LRRC4C: variants seen among roughly 807,000 people sequenced by gnomAD.
LRRC4C encodes leucine rich repeat containing 4C, also known as leucine-rich repeat-containing protein 4C.
LRRC4C carries 5 observed loss-of-function variants against 33.6 expected under a neutral mutation model. The ratio of observed to expected loss-of-function variants is 0.15; its 90% CI spans 0.08 to 0.31. The LOEUF (loss-of-function observed/expected upper bound fraction) is 0.31, where lower values mean the gene tolerates loss of function less well. LRRC4C is among the 10% of genes least tolerant of loss of function. The pLI, the probability that LRRC4C is intolerant of heterozygous loss-of-function variation, is 1.00. For synonymous variants in LRRC4C, 329 were observed against 302.0 expected, an observed-to-expected ratio of 1.09 and a Z score of -0.93; for missense variants, 560 against 796.7, an observed-to-expected ratio of 0.70 and a Z score of 3.58.
At chr11:40,945,449 G>A (rs1396357178) in intron 1 of LRRC4C, among the ~76,000 whole-genome samples, 1 of 152,114 alleles carries the variant, frequency 6.6e-6, no homozygotes, top group Non-Finnish European at 1.5e-5. Context: ...ATTAAAGCAT[G>A]ATAACATTTA....
chr11:41,051,201 A>G (rs1392419026), intron 1 of LRRC4C, among the ~76,000 whole-genome samples: 2 of 152,156 alleles, frequency 1.3e-5, no homozygotes, highest in Non-Finnish European at 2.9e-5. Context: ...TCACATAAAG[A>G]TCTCTTTAAA....
chr11:41,235,641 G>GT (rs1299336197), intron 1 of LRRC4C, among the ~76,000 whole-genome samples: 1 of 152,092 alleles, frequency 6.6e-6, no homozygotes, highest in Non-Finnish European at 1.5e-5. Flanking sequence ...TAGTTACACA[G>GT]TTTTTTAAAA....
intron 2 of LRRC4C, among the ~76,000 whole-genome samples, chr11:40,666,345 G>A (rs1026634092): frequency 2.0e-5 from 3 of 152,070 alleles, no homozygotes; most frequent in Admixed American, 6.6e-5. Flanking sequence ...GGGTATAAAC[G>A]TACTTCTGGA....
At position 40,830,512 on chromosome 11, in the gene LRRC4C, C is replaced by T. The variant is rs567481052; in HGVS notation, c.-407+103123G>A. On this transcript the variant is annotated intron_variant, in intron 2 of 6. Transcript: ENST00000528697. ...TTAGAGTTCATTTTGAGTGGTAGCC[C>T]TCCATTTCTGTAGAAATTATATACT... 2.6e-5 allele frequency among the ~76,000 whole-genome samples: 4 copies of T among 152,100 alleles called. No homozygotes were observed. The South Asian group carries it at 8.3e-4, about 32-fold the overall frequency.
intron 3 of LRRC4C, among the ~76,000 whole-genome samples, chr11:40,400,009 A>C (rs1949700355): frequency 6.6e-6 from 1 of 152,162 alleles, no homozygotes; most frequent in African/African-American, 2.4e-5. Context: ...AAACTGCTTC[A>C]AATTTATTTC....
At chr11:40,732,925 T>C (rs1947665361) in intron 2 of LRRC4C, among the ~76,000 whole-genome samples, 1 of 152,072 alleles carries the variant, frequency 6.6e-6, no homozygotes, top group South Asian at 2.1e-4. Context: ...CTTTACTATA[T>C]GCTAAATACT....
intron 1 of LRRC4C, among the ~76,000 whole-genome samples, chr11:41,062,678 T>C (rs1351072866): frequency 1.3e-5 from 2 of 152,194 alleles, no homozygotes; most frequent in African/African-American, 2.4e-5. Flanking sequence ...CAAATATTCA[T>C]ACCTACCTAG....
chr11:40,451,559 T>C (rs970025128), intron 3 of LRRC4C, among the ~76,000 whole-genome samples: 2 of 151,694 alleles, frequency 1.3e-5, no homozygotes, highest in Non-Finnish European at 2.9e-5. Context: ...CAAATTTTTG[T>C]ATTTTTAGTA....
Position 40,768,729 on chromosome 11 carries a change from G to GA in LRRC4C, c.-406-120452dup, listed in dbSNP as rs530028790. ...GATACATTGTATTAACAGAAAGAAG[G>GA]AAAAAAACATATGATCATTTCAACT... On this transcript the variant is annotated intron_variant, in intron 2 of 6. Coordinates refer to ENST00000528697, the MANE Select transcript of LRRC4C (RefSeq NM_001258419.2). 2.6e-4 allele frequency among the ~76,000 whole-genome samples: 40 copies of GA among 151,912 alleles called. No individual in the cohort carries two copies. In the East Asian group the frequency reaches 7.2e-3, roughly 27 times the overall value.
At chr11:40,866,074 G>A (rs1954351827) in intron 2 of LRRC4C, among the ~76,000 whole-genome samples, 1 of 150,784 alleles carries the variant, frequency 6.6e-6, no homozygotes, top group Non-Finnish European at 1.5e-5. Flanking sequence ...TTGCCAATTG[G>A]GTCAGAAGTA....
intron 2 of LRRC4C, among the ~76,000 whole-genome samples, chr11:40,795,136 A>G (rs1263793541): frequency 6.6e-6 from 1 of 152,198 alleles, no homozygotes. Flanking sequence ...CATACTCTAA[A>G]ACAAGTAAAA....
At chr11:40,283,693 CTTTTTTTT>C (rs5791366) in intron 4 of LRRC4C, among the ~76,000 whole-genome samples, 1 of 59,262 alleles carries the variant, frequency 1.7e-5, no homozygotes, top group East Asian at 6.9e-4. Context: ...GGTCCATATT[CTTTTTTTT>C]TTTTTTTTTT....
chr11:40,812,722 T>C (rs1951543540), intron 2 of LRRC4C, among the ~76,000 whole-genome samples: 3 of 152,182 alleles, frequency 2.0e-5, no homozygotes, highest in South Asian at 4.1e-4. Context: ...TTAATTTTCA[T>C]TTATCCTAAA....
intron 3 of LRRC4C, among the ~76,000 whole-genome samples, chr11:40,645,951 T>C (rs1942424981): frequency 6.6e-6 from 1 of 152,136 alleles, no homozygotes; most frequent in Admixed American, 6.5e-5. Flanking sequence ...TTCTAAATTC[T>C]AATAATCTCT....
chr11:40,392,940 G>A (rs1949393982), intron 3 of LRRC4C, among the ~76,000 whole-genome samples: 1 of 151,916 alleles, frequency 6.6e-6, no homozygotes, highest in African/African-American at 2.4e-5. Flanking sequence ...TTGTCTTGGA[G>A]GATCCAGCCA....
intron 1 of LRRC4C, among the ~76,000 whole-genome samples, chr11:41,031,217 C>T (rs909675540): frequency 2.0e-5 from 3 of 151,964 alleles, no homozygotes; most frequent in East Asian, 3.9e-4. Flanking sequence ...TGAGCAATGG[C>T]CCACAGTTAC....
At chr11:40,916,629 A>T (rs548309655) in intron 2 of LRRC4C, among the ~76,000 whole-genome samples, 1 of 152,210 alleles carries the variant, frequency 6.6e-6, no homozygotes, top group Non-Finnish European at 1.5e-5. Flanking sequence ...GCACACCAAC[A>T]TGGCACATGT....
At chr11:40,582,355 T>C (rs1958505358) in intron 3 of LRRC4C, among the ~76,000 whole-genome samples, 1 of 152,180 alleles carries the variant, frequency 6.6e-6, no homozygotes, top group Non-Finnish European at 1.5e-5. Context: ...TTTTTTTCTA[T>C]ACTTAGAAGT....
rs562760429 is a variant in LRRC4C, at chr11:41,355,248, A to C, written c.-496+104183T>G. On this transcript the variant is annotated intron_variant, in intron 1 of 6. Transcript: ENST00000528697. Reference sequence around the variant, plus strand: ...CAGCATCCCTAATCATGAGAAAAAAATAACTATCAACTTGGGAACAAAAAG... The same window carrying C: ...CAGCATCCCTAATCATGAGAAAAAACTAACTATCAACTTGGGAACAAAAAG... Among the ~76,000 whole-genome samples the C allele has an allele frequency of 3.3e-5, 5 of 152,216 alleles. No individual in the cohort carries two copies. In the East Asian group the frequency reaches 7.7e-4, roughly 23 times the overall value.
Sources: gnomAD v4.1 joint callset for allele counts (sites outside exome capture counted in the v4.1 genomes callset) on GRCh38, gnomAD v4.1.1 for gene constraint, MANE v1.5 for transcripts, NCBI Gene and HGNC (gene_info 2026-07-23, HGNC 2026-07-21) for gene names.